SCN8A: variants seen among roughly 807,000 people sequenced by gnomAD.
SCN8A encodes sodium channel protein type 8 subunit alpha.
In SCN8A, 30 loss-of-function variants were observed where a neutral mutation model predicts 184.1. That is an observed-to-expected ratio of 0.16 (90% CI 0.12 to 0.22). The LOEUF is 0.22. Ranked by LOEUF, SCN8A falls within the 10% of genes least tolerant of loss-of-function variation. The pLI is 1.00. For synonymous variants in SCN8A, 852 were observed against 907.0 expected, an observed-to-expected ratio of 0.94 and a Z score of 1.09; for missense variants, 1,057 against 2,498.9, an observed-to-expected ratio of 0.42 and a Z score of 12.30.
At chr12:51,674,738 C>T (rs1021039685) in intron 2 of SCN8A, among the ~76,000 whole-genome samples, 25 of 152,230 alleles carry the variant, frequency 1.6e-4, no homozygotes, top group African/African-American at 5.8e-4. Context: ...CCACATTTAA[C>T]GAGTGCCTGT....
intron 1 of SCN8A, among the ~76,000 whole-genome samples, chr12:51,628,232 A>G (rs902266313): frequency 6.6e-6 from 1 of 152,210 alleles, no homozygotes; most frequent in African/African-American, 2.4e-5. Context: ...AAATTGGTAA[A>G]GGTCAAATTG....
intron 26 of SCN8A, among the ~76,000 whole-genome samples, chr12:51,799,828 A>G (rs987531587): frequency 6.6e-6 from 1 of 152,198 alleles, no homozygotes. Context: ...GCAACAACTT[A>G]TCCTTCACCT....
rs1565894398 is a variant in SCN8A, at chr12:51,706,719, A to T, written c.1635+4A>T. 2.6e-6 allele frequency: 4 copies of T among 1,516,564 alleles called. No homozygotes were observed. The African/African-American group carries it at 4.2e-5, about 16-fold the overall frequency. The allele number at this position is 1,516,564 out of a possible 1,614,324, so 93.9% of individuals were successfully genotyped here. The stretch of plus-strand genomic sequence containing the variant: ...GAAATTTTCCATCATGAATCAGGTA[A>T]ACTCTTCTTTTTTCTATACCTTTTT... On this transcript the variant is annotated splice_donor_region_variant and intron_variant, in intron 11 of 26. Coordinates refer to ENST00000627620, the MANE Select transcript of SCN8A (RefSeq NM_001330260.2).
At chr12:51,670,284 A>G (rs1016001601) in intron 2 of SCN8A, among the ~76,000 whole-genome samples, 2 of 152,318 alleles carry the variant, frequency 1.3e-5, no homozygotes, top group Middle Eastern at 3.4e-3. Flanking sequence ...GGGAAATCTT[A>G]TTTCTGATCC....
chr12:51,677,496 G>GT (rs1328787994), intron 2 of SCN8A, among the ~76,000 whole-genome samples: 1 of 152,088 alleles, frequency 6.6e-6, no homozygotes, highest in Admixed American at 6.6e-5. Flanking sequence ...TGTGATGACT[G>GT]TGTGTGTTCA....
intron 12 of SCN8A, among the ~76,000 whole-genome samples, chr12:51,733,867 A>G (rs1400279674): frequency 2.0e-5 from 3 of 152,164 alleles, no homozygotes; most frequent in Admixed American, 2.0e-4. Flanking sequence ...GTAGTTGCTC[A>G]TAGTAACCAC....
chr12:51,623,074 C>T (rs1177461711), intron 1 of SCN8A, among the ~76,000 whole-genome samples: 1 of 152,094 alleles, frequency 6.6e-6, no homozygotes, highest in Non-Finnish European at 1.5e-5. Context: ...CACCTCCCTA[C>T]TTTTTTAGAA....
intron 2 of SCN8A, among the ~76,000 whole-genome samples, chr12:51,663,948 C>T (rs1295084736): frequency 6.3e-5 from 7 of 111,008 alleles, no homozygotes; most frequent in African/African-American, 2.3e-4. Flanking sequence ...CTTGCTCTGT[C>T]GCCCAGGCTG....
chr12:51,749,123 G>C (rs1040869642), intron 13 of SCN8A, among the ~76,000 whole-genome samples: 2 of 152,202 alleles, frequency 1.3e-5, no homozygotes, highest in African/African-American at 4.8e-5. Context: ...AGTTTGCAAA[G>C]TCATAAGTCA....
intron 9 of SCN8A, among the ~76,000 whole-genome samples, chr12:51,704,438 G>A (rs1941743748): frequency 6.6e-6 from 1 of 151,910 alleles, no homozygotes; most frequent in Non-Finnish European, 1.5e-5. Context: ...GGGAGGCCGA[G>A]GCAGGTGGAT....
At chr12:51,757,918 A>G (rs1221925410) in intron 14 of SCN8A, among the ~76,000 whole-genome samples, 2 of 152,268 alleles carry the variant, frequency 1.3e-5, no homozygotes, top group Admixed American at 1.3e-4. Flanking sequence ...ATACTCTTAA[A>G]TAAAAGTGCT....
intron 11 of SCN8A, among the ~76,000 whole-genome samples, chr12:51,708,210 A>C (rs1388753361): frequency 3.9e-5 from 6 of 152,228 alleles, no homozygotes; most frequent in African/African-American, 1.4e-4. Context: ...GTCATGAAAC[A>C]GGACATCTTA....
At chr12:51,710,553 G>A (rs567561802) in intron 11 of SCN8A, among the ~76,000 whole-genome samples, 11 of 152,258 alleles carry the variant, frequency 7.2e-5, no homozygotes, top group Admixed American at 1.3e-4. Flanking sequence ...CAGCTACTCC[G>A]GAGTCTGAGG....
intron 6 of SCN8A, among the ~76,000 whole-genome samples, chr12:51,695,724 G>A (rs1252395177): frequency 6.6e-6 from 1 of 151,782 alleles, no homozygotes; most frequent in Admixed American, 6.6e-5. Flanking sequence ...ACAGAATATG[G>A]CTACCACTTA....
chr12:51,772,738 T>C (rs1422902203), intron 19 of SCN8A, among the ~76,000 whole-genome samples: 2 of 148,656 alleles, frequency 1.3e-5, no homozygotes, highest in Non-Finnish European at 3.0e-5. Flanking sequence ...CCCAGCACTT[T>C]GGGAGGCTGA....
At position 51,614,398 on chromosome 12, in the gene SCN8A, TCCTA is replaced by T. The variant is rs1939787392; in HGVS notation, c.-55+23043_-55+23046del. Among the ~76,000 whole-genome samples the T allele has an allele frequency of 2.0e-5, 3 of 152,274 alleles. No homozygotes were observed. The South Asian group carries it at 6.2e-4, about 32-fold the overall frequency. On this transcript the variant is annotated intron_variant, in intron 1 of 26. Coordinates refer to ENST00000627620, the MANE Select transcript of SCN8A (RefSeq NM_001330260.2). The stretch of plus-strand genomic sequence containing the variant: ...ACTTTATCTGATATTAATATAATCA[TCCTA>T]CCTTTCTGTCGGTTCATATTTTCAT...
In SCN8A at chr12:51,657,139, A is replaced by G. The variant is rs534717015; in HGVS notation, c.-54-5625A>G. Reference sequence around the variant, plus strand: ...TGTGTAAACAAATTGTGGTATATACATTTCTGGGATATATATTTTGGGGTT... The same window carrying G: ...TGTGTAAACAAATTGTGGTATATACGTTTCTGGGATATATATTTTGGGGTT... On this transcript the variant is annotated intron_variant, in intron 1 of 26. Transcript: ENST00000627620. Among the ~76,000 whole-genome samples, 41 of 152,184 alleles carry G rather than the reference A, an allele frequency of 2.7e-4. 1 individual carries two copies. In the South Asian group the frequency reaches 8.5e-3, roughly 32 times the overall value.
In SCN8A at chr12:51,636,805, A is replaced by T. The variant is rs1371409182; in HGVS notation, c.-54-25959A>T. Among the ~76,000 whole-genome samples, 7 of 152,266 alleles carry T rather than the reference A, an allele frequency of 4.6e-5. No homozygotes were observed. The East Asian group carries it at 1.3e-3, about 29-fold the overall frequency. ...GTGGAGTATGTGATGATTAATAAGC[A>T]TACTTTTTGCCTTAAGGCACTTATA... On this transcript the variant is annotated intron_variant, in intron 1 of 26. Coordinates refer to ENST00000627620, the MANE Select transcript of SCN8A (RefSeq NM_001330260.2).
At chr12:51,644,048 G>A (rs1399494414) in intron 1 of SCN8A, among the ~76,000 whole-genome samples, 1 of 152,220 alleles carries the variant, frequency 6.6e-6, no homozygotes, top group Non-Finnish European at 1.5e-5. Flanking sequence ...ATTATTTGAT[G>A]ATAGATTTTG....
Sources: allele counts gnomAD v4.1 joint callset (sites outside exome capture counted in the v4.1 genomes callset), GRCh38; gene constraint gnomAD v4.1.1; transcripts MANE v1.5; gene names NCBI Gene and HGNC (gene_info 2026-07-23, HGNC 2026-07-21).